The following CIDEC variants were observed in gnomAD, a reference collection of about 807,000 sequenced individuals.
CIDEC encodes the protein lipid transferase CIDEC.
Under a neutral mutation model 21.9 loss-of-function variants are expected in CIDEC, and 11 were observed. The observed-to-expected ratio is 0.50, with a 90% CI of 0.32 to 0.83. The LOEUF is 0.83. Ranked by LOEUF, CIDEC falls within the 40% of genes least tolerant of loss-of-function variation. The pLI is 0.04. For synonymous variants in CIDEC, 127 were observed against 124.9 expected, an observed-to-expected ratio of 1.02 and a Z score of -0.11; for missense variants, 302 against 302.3, an observed-to-expected ratio of 1.00 and a Z score of 0.01.
chr3:9,869,929 G>A lies in CIDEC; in HGVS notation c.507C>T (p.Tyr169=). 2 of 1,614,012 alleles carry A rather than the reference G, an allele frequency of 1.2e-6. No homozygotes were observed. Among genetic ancestry groups the A allele is most frequent in the Non-Finnish European group, 1.7e-6 (2 of 1,180,030 alleles). Reference sequence around the variant, plus strand: ...AGCAGTGCAGATCATAGGAAAGGGAGTATGTATCATAAAAAGTCGCCTTCA... The same window carrying A: ...AGCAGTGCAGATCATAGGAAAGGGAATATGTATCATAAAAAGTCGCCTTCA... ...LNVKATFYDT[Y]SLSYDLHCCG... Residue 169 remains tyrosine (Y), a synonymous_variant, in exon 6 of 7, where the codon TAC becomes TAT. Coordinates refer to ENST00000336832, the MANE Select transcript of CIDEC (RefSeq NM_001321142.2).
chr3:9,879,890 C>T (rs1379375098), intron 1 of CIDEC, among the ~76,000 whole-genome samples: 1 of 152,172 alleles, frequency 6.6e-6, no homozygotes, highest in Non-Finnish European at 1.5e-5. Flanking sequence ...CTATTCGAAG[C>T]TCCCGGCACA....
At chr3:9,877,323 G>T (rs1049455977) in intron 3 of CIDEC, 104 bp from the exon 4 acceptor site, 14 of 1,137,124 alleles carry the variant, frequency 1.2e-5, no homozygotes, top group Non-Finnish European at 1.5e-5. Flanking sequence ...CTCATGATCA[G>T]TCAACCCCCC....
intron 4 of CIDEC, among the ~76,000 whole-genome samples, chr3:9,872,227 G>A (rs2082358499): frequency 6.6e-6 from 1 of 151,394 alleles, no homozygotes; most frequent in Non-Finnish European, 1.5e-5. Flanking sequence ...AGGCTGGAGT[G>A]CAGTGGTGCC....
rs59540834 is a variant in CIDEC at position 9,867,456 on chromosome 3, C to G, written c.555-160G>C. Among the ~76,000 whole-genome samples the G allele has an allele frequency of 4.3e-3, 655 of 152,288 alleles. 3 individuals are homozygous for G. The highest frequency in any genetic ancestry group is 0.015 in the African/African-American group (619 of 41,566). ...CCAACATGGCGAATCTCTGTCTCTA[C>G]TAAAAATACAAAAACTAGGCAGGCA... On this transcript the variant is annotated intron_variant, in intron 6 of 6. Coordinates refer to ENST00000336832, the MANE Select transcript of CIDEC (RefSeq NM_001321142.2).
intron 4 of CIDEC, 118 bp from the exon 5 acceptor site, chr3:9,870,440 G>C (rs1199248107): frequency 1.3e-6 from 2 of 1,563,530 alleles, no homozygotes; most frequent in Non-Finnish European, 1.7e-6. Flanking sequence ...ACTTTATCAT[G>C]GTACCTCTTG....
Position 9,867,185 on chromosome 3 carries a change from G to A in CIDEC, c.666C>T (p.Pro222=). 2 of 1,614,026 alleles carry A rather than the reference G, an allele frequency of 1.2e-6. No individual in the cohort carries two copies. Among genetic ancestry groups the A allele is most frequent in the Non-Finnish European group, 1.7e-6 (2 of 1,180,040 alleles). ...GGATAAGGGATGAGGCCTTGCCCTT[G>A]GGGGGCTGCCCTTCCTCCGTAGCAT... The part of the protein sequence containing the change: ...LLDATEEGQP[P]KGKASSLIPT... The change falls in exon 7 of 7, where the codon CCC becomes CCT. Residue 222 remains proline, a synonymous_variant. Coordinates refer to ENST00000336832, the MANE Select transcript of CIDEC (RefSeq NM_001321142.2).
At position 9,877,225 on chromosome 3, in the gene CIDEC, G is replaced by A; in HGVS notation, c.54-6C>T. 2 of 1,549,898 alleles carry A rather than the reference G, an allele frequency of 1.3e-6. No individual in the cohort carries two copies. The highest frequency in any genetic ancestry group is 1.2e-5 in the South Asian group (1 of 83,978). On this transcript the variant is annotated splice_region_variant and splice_polypyrimidine_tract_variant and intron_variant, in intron 3 of 6. Coordinates refer to ENST00000336832, the MANE Select transcript of CIDEC (RefSeq NM_001321142.2). Reference sequence around the variant, plus strand: ...AGGTACGCACTGACACATGCCTGGGGCAGTTGAAGCATCAGGGTGAGCCAC... The same window carrying A: ...AGGTACGCACTGACACATGCCTGGGACAGTTGAAGCATCAGGGTGAGCCAC...
At chr3:9,870,721 C>G (rs1226037722) in intron 4 of CIDEC, among the ~76,000 whole-genome samples, 1 of 152,150 alleles carries the variant, frequency 6.6e-6, no homozygotes, top group Non-Finnish European at 1.5e-5. Flanking sequence ...CTCATTGCAG[C>G]CTCCAACTCT....
At chr3:9,868,625 A>G (rs2082304883) in intron 6 of CIDEC, among the ~76,000 whole-genome samples, 2 of 152,334 alleles carry the variant, frequency 1.3e-5, no homozygotes, top group South Asian at 4.1e-4. Context: ...TTCTAACCTC[A>G]CATATTCTCA....
intron 3 of CIDEC, 152 bp from the exon 4 acceptor site, chr3:9,877,371 C>A: frequency 1.2e-6 from 1 of 800,702 alleles, no homozygotes; most frequent in South Asian, 1.5e-5. Flanking sequence ...ACTCAGAAGC[C>A]TGCTAGAAGC....
chr3:9,873,921 G>T (rs1345606500), intron 4 of CIDEC, among the ~76,000 whole-genome samples: 1 of 152,036 alleles, frequency 6.6e-6, no homozygotes, highest in Non-Finnish European at 1.5e-5. Context: ...TAAGGGCCTG[G>T]GATCAGCAAC....
chr3:9,875,019 C>A (rs1225113939), intron 4 of CIDEC, among the ~76,000 whole-genome samples: 1 of 152,158 alleles, frequency 6.6e-6, no homozygotes, highest in Non-Finnish European at 1.5e-5. Flanking sequence ...AAGCATGAGC[C>A]ACTATGCCTG....
chr3:9,867,547 G>A (rs540783955), intron 6 of CIDEC, among the ~76,000 whole-genome samples: 26 of 152,366 alleles, frequency 1.7e-4, no homozygotes, highest in African/African-American at 5.8e-4. Context: ...TTGAACCCAG[G>A]AGGCGGAGGT....
intron 4 of CIDEC, among the ~76,000 whole-genome samples, chr3:9,870,950 CT>C (rs200670875): frequency 0.022 from 3,062 of 142,324 alleles, 52 homozygotes; most frequent in Middle Eastern, 0.047. Context: ...ATAATTCATT[CT>C]TTTTTTTTTT....
chr3:9,874,585 A>G (rs529991946), intron 4 of CIDEC, among the ~76,000 whole-genome samples: 1 of 151,926 alleles, frequency 6.6e-6, no homozygotes, highest in African/African-American at 2.4e-5. Flanking sequence ...GCAGAATTCA[A>G]TGTTTACTTA....
intron 4 of CIDEC, among the ~76,000 whole-genome samples, chr3:9,874,885 C>G (rs1056389945): frequency 4.6e-5 from 7 of 152,060 alleles, no homozygotes; most frequent in African/African-American, 1.7e-4. Flanking sequence ...TGCACACCAC[C>G]ATGTCCAGCT....
At chr3:9,878,047 C>A (rs2082451680) in intron 3 of CIDEC, 1 of 217,202 alleles carries the variant, frequency 4.6e-6, no homozygotes, top group South Asian at 7.7e-5. Context: ...TCAGGCAGTC[C>A]CAATTTAGAA....
chr3:9,875,265 T>C (rs964948305), intron 4 of CIDEC, among the ~76,000 whole-genome samples: 1 of 150,310 alleles, frequency 6.7e-6, no homozygotes, highest in Non-Finnish European at 1.5e-5. Flanking sequence ...TAGTCCCAGC[T>C]ACTCAGGAGG....
intron 6 of CIDEC, 106 bp from the exon 7 acceptor site, chr3:9,867,402 C>T: frequency 8.5e-7 from 1 of 1,179,612 alleles, no homozygotes; most frequent in Non-Finnish European, 1.2e-6. Flanking sequence ...GGCGGGTAAC[C>T]TGAGGTCAGG....
Sources: gnomAD v4.1 joint callset for allele counts (sites outside exome capture counted in the v4.1 genomes callset) on GRCh38, gnomAD v4.1.1 for gene constraint, MANE v1.5 for transcripts, NCBI Gene and HGNC (gene_info 2026-07-23, HGNC 2026-07-21) for gene names.